The following SLC24A2 variants were observed in gnomAD, a reference collection of about 807,000 sequenced individuals.
SLC24A2 encodes solute carrier family 24 member 2.
SLC24A2 carries 36 observed loss-of-function variants against 62.0 expected under a neutral mutation model. The ratio of observed to expected loss-of-function variants is 0.58; its 90% CI spans 0.44 to 0.77. SLC24A2 has a LOEUF of 0.77. Among genes scored for constraint, SLC24A2 ranks in the 30% least tolerant of loss-of-function variants. SLC24A2 has a pLI of 0.00. For missense variants in SLC24A2, 846 were observed against 817.9 expected, an observed-to-expected ratio of 1.03 and a Z score of -0.42; for synonymous variants, 358 against 294.0, an observed-to-expected ratio of 1.22 and a Z score of -2.23.
At chr9:20,164,252 C>A in the SLC24A2 span, among the ~76,000 whole-genome samples, 1 of 151,876 alleles carries the variant, frequency 6.6e-6, no homozygotes, top group Non-Finnish European at 1.5e-5. Flanking sequence ...GGGCTAATAT[C>A]CAGAATCTAC....
chr9:20,230,553 T>A, the SLC24A2 span, among the ~76,000 whole-genome samples: 4 of 152,178 alleles, frequency 2.6e-5, no homozygotes, highest in Non-Finnish European at 4.4e-5. Flanking sequence ...TGTCTGTTCA[T>A]ATCCTTCACC....
At chr9:20,211,452 C>T in the SLC24A2 span, among the ~76,000 whole-genome samples, 2 of 152,090 alleles carry the variant, frequency 1.3e-5, no homozygotes, top group South Asian at 4.1e-4. Context: ...GCAGAGGTTG[C>T]CGTGAGCTGA....
At chr9:19,745,092 T>C (rs908541066) in intron 2 of SLC24A2, among the ~76,000 whole-genome samples, 1 of 152,104 alleles carries the variant, frequency 6.6e-6, no homozygotes, top group African/African-American at 2.4e-5. Flanking sequence ...ATCCCTTTGG[T>C]ATTGAGTGAG....
chr9:19,524,954 G>A (rs1333069859), intron 9 of SLC24A2, among the ~76,000 whole-genome samples: 1 of 152,148 alleles, frequency 6.6e-6, no homozygotes, highest in African/African-American at 2.4e-5. Flanking sequence ...ATTAGTACAT[G>A]AAGAAATAGA....
intron 2 of SLC24A2, among the ~76,000 whole-genome samples, chr9:19,681,395 A>G (rs1177416696): frequency 2.0e-5 from 3 of 151,998 alleles, no homozygotes; most frequent in Admixed American, 2.0e-4. Context: ...TCTCTCCTTC[A>G]TGCTTTTCCA....
At chr9:19,803,291 A>G in the SLC24A2 span, among the ~76,000 whole-genome samples, 8 of 152,370 alleles carry the variant, frequency 5.3e-5, no homozygotes, top group East Asian at 1.3e-3. Context: ...TCTGCTCTAT[A>G]TAAACAAACA....
At chr9:19,868,169 G>T in the SLC24A2 span, among the ~76,000 whole-genome samples, 1 of 151,852 alleles carries the variant, frequency 6.6e-6, no homozygotes, top group African/African-American at 2.4e-5. Flanking sequence ...ATACATTATA[G>T]TAAGCATTAT....
chr9:20,045,494 C>T, the SLC24A2 span, among the ~76,000 whole-genome samples: 1 of 152,016 alleles, frequency 6.6e-6, no homozygotes, highest in Non-Finnish European at 1.5e-5. Context: ...TGCGGTGGCA[C>T]AATCTTGGCT....
At chr9:19,976,527 A>C in the SLC24A2 span, among the ~76,000 whole-genome samples, 1 of 152,192 alleles carries the variant, frequency 6.6e-6, no homozygotes, top group African/African-American at 2.4e-5. Context: ...CCTCCCAGTC[A>C]TGTTTCCTGT....
At chr9:20,269,333 T>C in the SLC24A2 span, among the ~76,000 whole-genome samples, 2 of 152,186 alleles carry the variant, frequency 1.3e-5, no homozygotes, top group Admixed American at 6.5e-5. Flanking sequence ...AAACTGGGGA[T>C]ATGGCTATCT....
the SLC24A2 span, among the ~76,000 whole-genome samples, chr9:19,955,240 TAA>T: frequency 1.3e-5 from 2 of 152,078 alleles, no homozygotes; most frequent in African/African-American, 2.4e-5. Context: ...TTTAAAGAGA[TAA>T]AGTTATTATT....
chr9:19,581,641 A>T (rs1310810233), intron 5 of SLC24A2, among the ~76,000 whole-genome samples: 1 of 152,218 alleles, frequency 6.6e-6, no homozygotes, highest in Non-Finnish European at 1.5e-5. Flanking sequence ...CTTCTCCTAA[A>T]TTACTGAAAA....
chr9:20,189,132 T>A, the SLC24A2 span, among the ~76,000 whole-genome samples: 15,873 of 149,114 alleles, frequency 0.11, 1,013 homozygotes, highest in Middle Eastern at 0.2. Context: ...GGAGAAAACA[T>A]GCTTCCTTCG....
intron 2 of SLC24A2, among the ~76,000 whole-genome samples, chr9:19,751,183 G>A (rs1186277711): frequency 6.6e-6 from 1 of 152,110 alleles, no homozygotes; most frequent in African/African-American, 2.4e-5. Context: ...AGCAGTAAAA[G>A]TTATTGTAGC....
chr9:20,109,627 C>G, the SLC24A2 span, among the ~76,000 whole-genome samples: 1 of 152,150 alleles, frequency 6.6e-6, no homozygotes, highest in Admixed American at 6.6e-5. Context: ...GTGTATCTTG[C>G]GTGAATACTG....
chr9:19,619,652 A>G lies in SLC24A2; in HGVS notation c.1010T>C (p.Leu337Pro). ...GCTATTCCTCATGAGACTGTTGTGGAGGGAGGCAGAGCTTCCACCTCGCTG... is the reference window on the plus strand; with the variant it reads ...GCTATTCCTCATGAGACTGTTGTGGGGGGAGGCAGAGCTTCCACCTCGCTG... ...RLQRGGSSASLHNSLMRNSIF... is the reference protein window; with the variant it reads ...RLQRGGSSASPHNSLMRNSIF... Residue 337 changes from leucine (L) to proline (P), a missense_variant, in exon 4 of 11, where the codon CTC becomes CCC. Leu to Pro is a moderately conservative substitution (Grantham distance 98). Transcript: ENST00000341998. The G allele has an allele frequency of 6.2e-7, 1 of 1,613,996 alleles. No homozygotes were observed. Among genetic ancestry groups the G allele is most frequent in the Non-Finnish European group, 8.5e-7 (1 of 1,179,916 alleles).
chr9:19,579,075 T>C (rs569947905), intron 5 of SLC24A2, among the ~76,000 whole-genome samples: 2 of 152,294 alleles, frequency 1.3e-5, no homozygotes, highest in African/African-American at 4.8e-5. Flanking sequence ...ATGAGGAATG[T>C]TGAAGGTCAG....
At chr9:20,050,276 C>G in the SLC24A2 span, among the ~76,000 whole-genome samples, 1 of 149,096 alleles carries the variant, frequency 6.7e-6, no homozygotes, top group African/African-American at 2.5e-5. Context: ...TTTAGCCGGT[C>G]ATGGTGGTGC....
the SLC24A2 span, among the ~76,000 whole-genome samples, chr9:20,233,154 T>A: frequency 6.6e-6 from 1 of 152,228 alleles, no homozygotes; most frequent in Non-Finnish European, 1.5e-5. Context: ...AACTATGTGG[T>A]CAATTTTGTA....
Sources: allele counts gnomAD v4.1 joint callset (sites outside exome capture counted in the v4.1 genomes callset), GRCh38; gene constraint gnomAD v4.1.1; transcripts MANE v1.5; gene names NCBI Gene and HGNC (gene_info 2026-07-23, HGNC 2026-07-21).